The following ST6GALNAC3 variants were observed in gnomAD, a reference collection of about 807,000 sequenced individuals.
ST6GALNAC3 encodes ST6 N-acetylgalactosaminide alpha-2,6-sialyltransferase 3.
In ST6GALNAC3, 25 loss-of-function variants were observed where a neutral mutation model predicts 32.7. That is an observed-to-expected ratio of 0.76 (90% confidence interval 0.56 to 1.07). The LOEUF is 1.07. Ranked by LOEUF, ST6GALNAC3 falls within the 50% of genes least tolerant of loss-of-function variation. The pLI, the probability that ST6GALNAC3 is intolerant of heterozygous loss-of-function variation, is 0.00. For synonymous variants in ST6GALNAC3, 129 were observed against 133.1 expected, an observed-to-expected ratio of 0.97 and a Z score of 0.21; for missense variants, 355 against 382.4, an observed-to-expected ratio of 0.93 and a Z score of 0.60.
intron 2 of ST6GALNAC3, among the ~76,000 whole-genome samples, chr1:76,358,837 C>G (rs1649701312): frequency 6.6e-6 from 1 of 152,144 alleles, no homozygotes; most frequent in Non-Finnish European, 1.5e-5. Flanking sequence ...ATCCTTCAAA[C>G]ATAGAGGACA....
chr1:76,425,046 ACC>A (rs764743407), intron 3 of ST6GALNAC3, among the ~76,000 whole-genome samples: 4 of 151,884 alleles, frequency 2.6e-5, no homozygotes, highest in Non-Finnish European at 4.4e-5. Flanking sequence ...TTTGCAGATC[ACC>A]CCGATGAAAA....
intron 3 of ST6GALNAC3, among the ~76,000 whole-genome samples, chr1:76,510,924 T>C (rs891566307): frequency 5.9e-5 from 9 of 152,322 alleles, no homozygotes; most frequent in Non-Finnish European, 1.2e-4. Context: ...ACTGAATGCA[T>C]GTTGCTTTTG....
intron 3 of ST6GALNAC3, among the ~76,000 whole-genome samples, chr1:76,494,429 G>GTGTATATATATA (rs1434515507): frequency 1.9e-5 from 1 of 53,420 alleles, no homozygotes; most frequent in African/African-American, 6.3e-5. Context: ...GTGTGCATGT[G>GTGTATATATATA]TATATATATA....
At chr1:76,247,755 A>T (rs545461418) in intron 1 of ST6GALNAC3, among the ~76,000 whole-genome samples, 3 of 151,300 alleles carry the variant, frequency 2.0e-5, no homozygotes, top group Non-Finnish European at 4.4e-5. Context: ...TAGCTTGCTG[A>T]GCTCTGTGGG....
At chr1:76,256,041 C>CACACACACAA (rs1657902265) in intron 1 of ST6GALNAC3, among the ~76,000 whole-genome samples, 1 of 151,338 alleles carries the variant, frequency 6.6e-6, no homozygotes, top group South Asian at 2.1e-4. Context: ...CACACACACA[C>CACACACACAA]AATTAGGAAA....
chr1:76,504,850 A>G (rs74089980), intron 3 of ST6GALNAC3, among the ~76,000 whole-genome samples: 10,506 of 152,206 alleles, frequency 0.069, 1,227 homozygotes, highest in African/African-American at 0.24. Context: ...AATAAGAAGC[A>G]TATTAATAGG....
chr1:76,159,806 T>A (rs1651702362), intron 1 of ST6GALNAC3, among the ~76,000 whole-genome samples: 1 of 152,232 alleles, frequency 6.6e-6, no homozygotes, highest in Non-Finnish European at 1.5e-5. Context: ...TGCCATAAAC[T>A]GTGCTAAGGG....
At chr1:76,223,044 T>C (rs1227756877) in intron 1 of ST6GALNAC3, among the ~76,000 whole-genome samples, 1 of 152,032 alleles carries the variant, frequency 6.6e-6, no homozygotes, top group Admixed American at 6.6e-5. Context: ...AATCCCATTG[T>C]ATACCCAAAG....
chr1:76,295,725 C>G (rs1557762593), intron 1 of ST6GALNAC3, among the ~76,000 whole-genome samples: 1 of 151,986 alleles, frequency 6.6e-6, no homozygotes, highest in Non-Finnish European at 1.5e-5. Context: ...TTGTTGAAGA[C>G]TTACATACTG....
intron 2 of ST6GALNAC3, among the ~76,000 whole-genome samples, chr1:76,344,845 G>A (rs1648364472): frequency 1.3e-5 from 2 of 152,140 alleles, no homozygotes; most frequent in African/African-American, 4.8e-5. Flanking sequence ...TGGGAGCTGT[G>A]AAACGTTATG....
chr1:76,083,633 C>G (rs1418876094), intron 1 of ST6GALNAC3, among the ~76,000 whole-genome samples: 1 of 152,170 alleles, frequency 6.6e-6, no homozygotes, highest in Non-Finnish European at 1.5e-5. Context: ...TGCAATTGTA[C>G]ATTTCCTAAG....
At chr1:76,493,625 A>G (rs1660631481) in intron 3 of ST6GALNAC3, among the ~76,000 whole-genome samples, 1 of 152,152 alleles carries the variant, frequency 6.6e-6, no homozygotes, top group African/African-American at 2.4e-5. Context: ...TAAATGGGAT[A>G]ACAGATATAG....
intron 1 of ST6GALNAC3, among the ~76,000 whole-genome samples, chr1:76,202,696 A>G (rs1439279624): frequency 6.6e-6 from 1 of 152,182 alleles, no homozygotes; most frequent in African/African-American, 2.4e-5. Context: ...TCAATCTTGG[A>G]TGTTGAGTTC....
intron 3 of ST6GALNAC3, among the ~76,000 whole-genome samples, chr1:76,494,548 TAAACAC>T (rs1190787467): frequency 2.0e-5 from 2 of 98,482 alleles, no homozygotes; most frequent in Non-Finnish European, 4.0e-5. Context: ...TTCATGTGTA[TAAACAC>T]ACACACACAC....
intron 2 of ST6GALNAC3, among the ~76,000 whole-genome samples, chr1:76,340,019 T>C (rs1647827487): frequency 6.6e-6 from 1 of 152,194 alleles, no homozygotes; most frequent in Admixed American, 6.5e-5. Flanking sequence ...AGGAGCTTGA[T>C]TCTGAGATTC....
At chr1:76,088,823 A>G (rs1646999921) in intron 1 of ST6GALNAC3, among the ~76,000 whole-genome samples, 1 of 152,234 alleles carries the variant, frequency 6.6e-6, no homozygotes. Flanking sequence ...TAAATGAATT[A>G]ATTTTAGGCA....
chr1:76,334,226 C>T (rs1012468659), intron 2 of ST6GALNAC3, among the ~76,000 whole-genome samples: 4 of 152,170 alleles, frequency 2.6e-5, no homozygotes, highest in Non-Finnish European at 4.4e-5. Context: ...CCATGTTTAT[C>T]TAATTTACAC....
chr1:76,224,594 C>T (rs888291609), intron 1 of ST6GALNAC3, among the ~76,000 whole-genome samples: 6 of 152,166 alleles, frequency 3.9e-5, no homozygotes, highest in African/African-American at 1.4e-4. Flanking sequence ...TTCTTCAACA[C>T]AGAGTATAAC....
intron 1 of ST6GALNAC3, among the ~76,000 whole-genome samples, chr1:76,189,717 A>C (rs431752): frequency 0.14 from 20,821 of 152,060 alleles, 1,663 homozygotes; most frequent in Non-Finnish European, 0.19. Context: ...CACCATGTGG[A>C]GGTATGGAGG....
Sources: gnomAD v4.1 joint callset for allele counts (sites outside exome capture counted in the v4.1 genomes callset) on GRCh38, gnomAD v4.1.1 for gene constraint, MANE v1.5 for transcripts, NCBI Gene and HGNC (gene_info 2026-07-23, HGNC 2026-07-21) for gene names.